The following PRAMEF10 variants were observed in gnomAD, a reference collection of about 807,000 sequenced individuals.
The protein encoded by PRAMEF10 is PRAME family member 10.
PRAMEF10 carries 4 observed loss-of-function variants against 27.7 expected under a neutral mutation model. The ratio of observed to expected loss-of-function variants is 0.14; its 90% confidence interval spans 0.07 to 0.33. PRAMEF10 has a LOEUF of 0.33. PRAMEF10 is among the 10% of genes least tolerant of loss of function. The pLI is 1.00. For missense variants in PRAMEF10, 99 were observed against 453.9 expected (o/e 0.22, Z 7.10); for synonymous variants, 46 against 176.0 (o/e 0.26, Z 5.85).
At chr1:12,894,013 A>C in intron 3 of PRAMEF10, among the ~76,000 whole-genome samples, 1 of 145,584 alleles carries the variant, frequency 6.9e-6, no homozygotes. Flanking sequence ...TGCAGCCTCC[A>C]CTTCCCTTGC....
rs201813285 is a variant in PRAMEF10, at chr1:12,894,924, G to A, written c.528C>T (p.Gly176=). Residue 176 remains glycine, a synonymous_variant, in exon 3 of 4, where the codon GGC becomes GGT. Coordinates refer to ENST00000235347, the MANE Select transcript of PRAMEF10 (RefSeq NM_001039361.4). ...YLFGWIHYRR[G]LVHLCCSKVQ... ...CCTTACTACAACACAGGTGCACTAGGCCTCTTCTGTAGTGGATCCACCCAA... is the reference window on the plus strand; with the variant it reads ...CCTTACTACAACACAGGTGCACTAGACCTCTTCTGTAGTGGATCCACCCAA... The A allele has an allele frequency of 1.1e-5, 16 of 1,440,618 alleles. No homozygotes were observed. The highest frequency in any genetic ancestry group is 2.3e-5 in the East Asian group (1 of 43,138). 89.2% of individuals were successfully genotyped at this position (1,440,618 alleles called of 1,614,324 possible). A position where few individuals can be genotyped will look rare whatever the true frequency, so the allele number is the denominator to read the frequency against.
Position 12,893,178 on chromosome 1 carries a change from T to C in PRAMEF10, c.1163A>G (p.Glu388Gly). ...QLTTFNFHGN[E>G]TSMNALKDLL... ...GTCTTTCAGAGCATTCATGGAGGTC[T>C]CATTTCCATGAAAGTTGAAGGTGGT... The change falls in exon 4 of 4, where the codon GAG becomes GGG. Residue 388 changes from glutamate to glycine, a missense_variant. Coordinates refer to ENST00000235347, the MANE Select transcript of PRAMEF10 (RefSeq NM_001039361.4). 1 of 1,599,784 alleles carries C rather than the reference T, an allele frequency of 6.3e-7. No individual in the cohort carries two copies. Among genetic ancestry groups the C allele is most frequent in the Non-Finnish European group, 8.5e-7 (1 of 1,170,168 alleles).
intron 3 of PRAMEF10, among the ~76,000 whole-genome samples, chr1:12,894,337 C>T (rs1485283128): frequency 2.7e-5 from 4 of 147,086 alleles, no homozygotes; most frequent in East Asian, 4.2e-4. Context: ...CCTCAACTAA[C>T]CGGCTCCCTA....
intron 1 of PRAMEF10, among the ~76,000 whole-genome samples, chr1:12,897,695 A>G (rs1360933868): frequency 2.0e-5 from 3 of 148,882 alleles, no homozygotes; most frequent in Non-Finnish European, 3.0e-5. Context: ...CACCTCTACT[A>G]AAAATACAAA....
rs752240913 is a variant in PRAMEF10 at position 12,892,964 on chromosome 1, G to T, written c.1377C>A (p.Asn459Lys). ...CTTTCTCAGATGGCCATGAGCCACA[G>T]TTAGGGCAAGGGACGGGACCAAAGA... Reference protein sequence around the residue: ...RIFFGPVPCPNCGSWPSEKVD... With the variant: ...RIFFGPVPCPKCGSWPSEKVD... The change falls in exon 4 of 4, where the codon AAC becomes AAA. Residue 459 changes from asparagine (N) to lysine (K), a missense_variant. Transcript: ENST00000235347. The T allele has an allele frequency of 1.3e-6, 2 of 1,570,558 alleles. No homozygotes were observed. Among genetic ancestry groups the T allele is most frequent in the Admixed American group, 1.7e-5 (1 of 57,464 alleles).
rs1211952359 is a variant in PRAMEF10 at position 12,897,919 on chromosome 1, AC to A, written c.-26+296del. Reference sequence around the variant, plus strand: ...GCCGTGTTGTCCAGGTTGGTCTCAGACCCCTGGGCTGAAATGATCCTCCCGC... The same window carrying A: ...GCCGTGTTGTCCAGGTTGGTCTCAGACCCTGGGCTGAAATGATCCTCCCGC... On this transcript the variant is annotated intron_variant, in intron 1 of 3. Coordinates refer to ENST00000235347, the MANE Select transcript of PRAMEF10 (RefSeq NM_001039361.4). Among the ~76,000 whole-genome samples the A allele has an allele frequency of 3.4e-4, 49 of 143,832 alleles. No homozygotes were observed. In the South Asian group the frequency reaches 0.011, roughly 32 times the overall value. The allele number at this position is 143,832 out of a possible 152,430, so 94.4% of individuals were successfully genotyped here.
chr1:12,894,348 C>T (rs1185639118), intron 3 of PRAMEF10, among the ~76,000 whole-genome samples: 3 of 148,046 alleles, frequency 2.0e-5, no homozygotes, highest in African/African-American at 7.5e-5. Context: ...CGGCTCCCTA[C>T]ACACCTCTCT....
intron 1 of PRAMEF10, among the ~76,000 whole-genome samples, chr1:12,897,539 G>T (rs1172013756): frequency 6.8e-6 from 1 of 146,962 alleles, no homozygotes; most frequent in Non-Finnish European, 1.5e-5. Flanking sequence ...ATGCTACCAT[G>T]CCCGGCTAAT....
Position 12,893,429 on chromosome 1 carries a change from G to A in PRAMEF10, c.912C>T (p.Tyr304=). The part of the protein sequence containing the change: ...PLGAFIFSDA[Y]LTDRDMECLS... ...GACACTCCATGTCCCGATCAGTTAG[G>A]TAAGCATCACTGAATATAAAGGCCC... Residue 304 remains tyrosine, a synonymous_variant, in exon 4 of 4, where the codon TAC becomes TAT. Transcript: ENST00000235347. 1 of 1,602,656 alleles carries A rather than the reference G, an allele frequency of 6.2e-7. No individual in the cohort carries two copies. The highest frequency in any genetic ancestry group is 8.5e-7 in the Non-Finnish European group (1 of 1,174,526).
intron 1 of PRAMEF10, among the ~76,000 whole-genome samples, chr1:12,896,847 ATT>A (rs1437500848): frequency 1.4e-3 from 3 of 2,176 alleles, no homozygotes; most frequent in African/African-American, 3.0e-3. Flanking sequence ...AAAGTGAAAT[ATT>A]TAGGGATATG....
chr1:12,893,387 G>C lies in PRAMEF10; in HGVS notation c.954C>G (p.Ser318Arg). 6.2e-7 allele frequency: 1 copy of C among 1,609,280 alleles called. No homozygotes were observed. The highest frequency in any genetic ancestry group is 8.5e-7 in the Non-Finnish European group (1 of 1,178,166). Residue 318 changes from serine (S) to arginine (R), a missense_variant, in exon 4 of 4, where the codon AGC becomes AGG. By Grantham distance (110) the Ser-to-Arg change is moderately radical. Transcript: ENST00000235347. ...RDMECLSQYP[S>R]LSQLKELRLI... is the part of the protein sequence containing the mutation. ...GACGCAGCTCCTTTAGCTGACTGAG[G>C]CTTGGGTACTGAGACAGACACTCCA...
At chr1:12,894,173 G>T (rs848416) in intron 3 of PRAMEF10, among the ~76,000 whole-genome samples, 1 of 149,220 alleles carries the variant, frequency 6.7e-6, no homozygotes, top group South Asian at 2.2e-4. Flanking sequence ...TTGGCCTCCC[G>T]AAGTGCTGGG....
At chr1:12,896,077 A>G (rs931859586) in intron 1 of PRAMEF10, among the ~76,000 whole-genome samples, 1 of 147,758 alleles carries the variant, frequency 6.8e-6, no homozygotes, top group African/African-American at 2.5e-5. Context: ...AAGAGCAGGC[A>G]AGATCCTTCC....
chr1:12,897,594 T>G (rs1812555), intron 1 of PRAMEF10, among the ~76,000 whole-genome samples: 93,842 of 148,194 alleles, frequency 0.63, 31,358 homozygotes, highest in East Asian at 0.74. Flanking sequence ...CAGTGGCTCA[T>G]GGCTGTAATT....
chr1:12,892,968 G>T lies in PRAMEF10; in HGVS notation c.1373C>A (p.Pro458His), dbSNP rs370281173. The part of the protein sequence containing the change: ...KRIFFGPVPC[P>H]NCGSWPSEKV... Reference sequence around the variant, plus strand: ...CTCAGATGGCCATGAGCCACAGTTAGGGCAAGGGACGGGACCAAAGAAGAT... The same window carrying T: ...CTCAGATGGCCATGAGCCACAGTTATGGCAAGGGACGGGACCAAAGAAGAT... Residue 458 changes from proline to histidine, a missense_variant, in exon 4 of 4, where the codon CCT becomes CAT. Coordinates refer to ENST00000235347, the MANE Select transcript of PRAMEF10 (RefSeq NM_001039361.4). 9.2e-4 allele frequency: 1,444 copies of T among 1,570,336 alleles called. 112 individuals are homozygous for T. The highest frequency in any genetic ancestry group is 8.3e-3 in the South Asian group (738 of 89,186).
chr1:12,896,310 C>T (rs1374637421), intron 1 of PRAMEF10, among the ~76,000 whole-genome samples: 1 of 150,398 alleles, frequency 6.6e-6, no homozygotes, highest in Non-Finnish European at 1.5e-5. Flanking sequence ...AGGCGTAATC[C>T]TCTTCCGGGA....
chr1:12,897,985 C>T lies in PRAMEF10; in HGVS notation c.-26+231G>A, dbSNP rs988497752. ...GTGTTGGGGTTAAAGGCATGAGTCA[C>T]TGCTCCCTTCAAGAATTTTGAAATG... On this transcript the variant is annotated intron_variant, in intron 1 of 3. Coordinates refer to ENST00000235347, the MANE Select transcript of PRAMEF10 (RefSeq NM_001039361.4). Among the ~76,000 whole-genome samples, 4 of 146,766 alleles carry T rather than the reference C, an allele frequency of 2.7e-5. No homozygotes were observed. The Admixed American group carries it at 2.7e-4, about 10-fold the overall frequency.
chr1:12,893,990 C>T (rs1184898396), intron 3 of PRAMEF10, among the ~76,000 whole-genome samples: 2,769 of 141,820 alleles, frequency 0.02, 16 homozygotes, highest in African/African-American at 0.056. Flanking sequence ...GTAGTGGCAC[C>T]GACTCAGCTC....
chr1:12,896,361 G>C (rs1406897226), intron 1 of PRAMEF10, among the ~76,000 whole-genome samples: 1 of 150,830 alleles, frequency 6.6e-6, no homozygotes, highest in African/African-American at 2.4e-5. Context: ...TGAAAGCTGT[G>C]TGACAGTGTT....
Sources: gnomAD v4.1 joint callset for allele counts (sites outside exome capture counted in the v4.1 genomes callset) on GRCh38, gnomAD v4.1.1 for gene constraint, MANE v1.5 for transcripts, NCBI Gene and HGNC (gene_info 2026-07-23, HGNC 2026-07-21) for gene names.